Variants in GDA observed in about 807,000 individuals in gnomAD.
The protein encoded by GDA is cytoplasmic PSD-95 interactor.
GDA carries 18 observed loss-of-function variants against 59.6 expected under a neutral mutation model. That is an observed-to-expected ratio of 0.30 (90% CI 0.21 to 0.45). The LOEUF is 0.45. GDA is among the 20% of genes least tolerant of loss of function. GDA has a pLI of 1.00. For synonymous variants in GDA, 201 were observed against 201.1 expected, an observed-to-expected ratio of 1.00 and a Z score of 0.00; for missense variants, 427 against 552.3, an observed-to-expected ratio of 0.77 and a Z score of 2.27.
intron 1 of GDA, among the ~76,000 whole-genome samples, chr9:72,119,041 A>G (rs891236301): frequency 1.3e-5 from 2 of 152,226 alleles, no homozygotes; most frequent in Non-Finnish European, 2.9e-5. Flanking sequence ...AAGAAAACAT[A>G]GTCTTTAACC....
chr9:72,248,768 G>T lies in GDA; in HGVS notation c.*426G>T. 1.0e-6 allele frequency: 1 copy of T among 992,958 alleles called. No homozygotes were observed. Among genetic ancestry groups the T allele is most frequent in the Non-Finnish European group, 1.2e-6 (1 of 833,744 alleles). The allele number at this position is 992,958 out of a possible 1,614,324, so 61.5% of individuals were successfully genotyped here. A position where few individuals can be genotyped will look rare whatever the true frequency, so the allele number is the denominator to read the frequency against. The stretch of plus-strand genomic sequence containing the variant: ...GACCCATGAGAGTATATTTTTATGA[G>T]GGAGCAAAAGTTAGACTGAGAACAA... On this transcript the variant is annotated 3_prime_UTR_variant, in exon 14 of 14. Transcript: ENST00000358399.
chr9:72,227,875 C>T, intron 8 of GDA, 68 bp from the exon 9 acceptor site: 1 of 816,682 alleles, frequency 1.2e-6, no homozygotes, highest in Non-Finnish European at 2.1e-6. Flanking sequence ...TCTAAAATAC[C>T]TTGTGAGTGA....
chr9:72,159,754 G>A (rs541943782), intron 1 of GDA, among the ~76,000 whole-genome samples: 4 of 152,264 alleles, frequency 2.6e-5, no homozygotes, highest in Admixed American at 6.5e-5. Flanking sequence ...AATTACTTTT[G>A]TAGATTGGGA....
intron 10 of GDA, among the ~76,000 whole-genome samples, chr9:72,234,706 T>A (rs1838756414): frequency 6.6e-6 from 1 of 152,214 alleles, no homozygotes; most frequent in Non-Finnish European, 1.5e-5. Flanking sequence ...TTACCCTGTT[T>A]TACGCTAAAT....
chr9:72,198,041 G>A (rs979300053), intron 2 of GDA, among the ~76,000 whole-genome samples: 1 of 152,102 alleles, frequency 6.6e-6, no homozygotes, highest in African/African-American at 2.4e-5. Flanking sequence ...AAAGCAGCGG[G>A]GGAGGGGCAA....
downstream of GDA, among the ~76,000 whole-genome samples, chr9:72,254,075 A>C (rs924733910): frequency 6.6e-6 from 1 of 152,214 alleles, no homozygotes; most frequent in East Asian, 1.9e-4. Context: ...CTCACAGGTA[A>C]CGCTCACCAA....
chr9:72,199,808 C>G (rs903088931), intron 2 of GDA, among the ~76,000 whole-genome samples: 5 of 152,068 alleles, frequency 3.3e-5, no homozygotes, highest in Non-Finnish European at 7.4e-5. Context: ...ACCTCTCTGT[C>G]CTGGGTTCCC....
chr9:72,220,238 C>G (rs1836698570), intron 6 of GDA, among the ~76,000 whole-genome samples: 1 of 152,092 alleles, frequency 6.6e-6, no homozygotes, highest in Admixed American at 6.5e-5. Flanking sequence ...AAAAGTCAAA[C>G]TTATAGAAAC....
Position 72,149,540 on chromosome 9 carries a change from C to A in GDA, c.-20C>A, listed in dbSNP as rs572006889. On this transcript the variant is annotated 5_prime_UTR_variant, in exon 1 of 14. Transcript: ENST00000358399. Reference sequence around the variant, plus strand: ...GCGCCCTCCTCGACCAGCAGACCCGCGCTGCGCTCCGCCGCTGACATGTGT... The same window carrying A: ...GCGCCCTCCTCGACCAGCAGACCCGAGCTGCGCTCCGCCGCTGACATGTGT... The A allele has an allele frequency of 9.3e-6, 15 of 1,607,524 alleles. No individual in the cohort carries two copies. The Admixed American group carries it at 2.3e-4, about 25-fold the overall frequency.
intron 11 of GDA, among the ~76,000 whole-genome samples, chr9:72,244,136 C>T (rs1839909593): frequency 6.7e-6 from 1 of 150,218 alleles, no homozygotes; most frequent in Non-Finnish European, 1.5e-5. Context: ...GAAATTGCGC[C>T]ACTGCACTCC....
In GDA at chr9:72,245,080, A is replaced by C. The variant is rs935839195; in HGVS notation, c.1136-68A>C. 31 of 1,507,322 alleles carry C rather than the reference A, an allele frequency of 2.1e-5. No individual in the cohort carries two copies. In the Admixed American group the frequency reaches 6.0e-4, roughly 29 times the overall value. 93.4% of individuals were successfully genotyped at this position (1,507,322 alleles called of 1,614,324 possible). A position where few individuals can be genotyped will look rare whatever the true frequency, so the allele number is the denominator to read the frequency against. On this transcript the variant is annotated intron_variant, in intron 11 of 13. Coordinates refer to ENST00000358399, the MANE Select transcript of GDA (RefSeq NM_004293.5). ...CGACATGTTGGCAAAATCTGTCCTT[A>C]CAAACTGAGACATTAGTGTGGTCTG...
At chr9:72,228,983 A>C (rs1837957719) in intron 9 of GDA, 1 of 152,026 alleles carries the variant, frequency 6.6e-6, no homozygotes. Context: ...CATAGATCTC[A>C]TGATGCCAGT....
chr9:72,121,555 C>T (rs1386890553), intron 1 of GDA, among the ~76,000 whole-genome samples: 1 of 152,216 alleles, frequency 6.6e-6, no homozygotes, highest in African/African-American at 2.4e-5. Context: ...TGAGATCGCG[C>T]CATTGCACTC....
chr9:72,204,816 C>T (rs1284804001), intron 3 of GDA, among the ~76,000 whole-genome samples: 2 of 151,882 alleles, frequency 1.3e-5, no homozygotes, highest in South Asian at 2.1e-4. Flanking sequence ...GATGTCAGGC[C>T]GAGTGTGATG....
At chr9:72,116,305 G>C (rs1825439580) in intron 1 of GDA, among the ~76,000 whole-genome samples, 1 of 151,196 alleles carries the variant, frequency 6.6e-6, no homozygotes, top group Non-Finnish European at 1.5e-5. Flanking sequence ...AGTCAAAGTA[G>C]ATTACAAAGC....
chr9:72,158,485 C>T (rs967876458), intron 1 of GDA, among the ~76,000 whole-genome samples: 1 of 151,694 alleles, frequency 6.6e-6, no homozygotes, highest in Non-Finnish European at 1.5e-5. Flanking sequence ...CCCAGCTACT[C>T]GGGAGGCTGA....
chr9:72,206,940 C>CTT (rs1021192832), intron 3 of GDA, among the ~76,000 whole-genome samples: 28 of 146,280 alleles, frequency 1.9e-4, no homozygotes, highest in African/African-American at 7.0e-4. Context: ...AATGGCTTTA[C>CTT]TTTTTTTTTT....
At position 72,251,781 on chromosome 9, in the gene GDA, C is replaced by A. The variant is rs1035917841; in HGVS notation, c.*3439C>A. ...ACATTGGTCTCCGTGCATGTGTTCA[C>A]ACCTGGTCTCACTGCCTTTCCTTCC... On this transcript the variant is annotated 3_prime_UTR_variant, in exon 14 of 14. Transcript: ENST00000358399. 7 of 152,128 alleles carry A rather than the reference C, an allele frequency of 4.6e-5. No individual in the cohort carries two copies. Among genetic ancestry groups the A allele is most frequent in the African/African-American group, 1.4e-4 (6 of 41,424 alleles). The allele number at this position is 152,128 out of a possible 1,614,324, so 9.4% of individuals were successfully genotyped here.
intron 1 of GDA, among the ~76,000 whole-genome samples, chr9:72,190,267 C>T (rs900005791): frequency 3.3e-5 from 5 of 152,160 alleles, no homozygotes; most frequent in Admixed American, 2.6e-4. Flanking sequence ...GCTGGGACTA[C>T]AGGCACCTGC....
Sources: allele counts gnomAD v4.1 joint callset (sites outside exome capture counted in the v4.1 genomes callset), GRCh38; gene constraint gnomAD v4.1.1; transcripts MANE v1.5; gene names NCBI Gene and HGNC (gene_info 2026-07-23, HGNC 2026-07-21).